Variants in SNX14 observed in about 807,000 individuals in gnomAD.
The protein encoded by SNX14 is sorting nexin-14.
Under a neutral mutation model 133.8 loss-of-function variants are expected in SNX14, and 93 were observed. That is an observed-to-expected ratio of 0.70 (90% confidence interval 0.59 to 0.83). SNX14 has a LOEUF of 0.83. Among genes scored for constraint, SNX14 ranks in the 40% least tolerant of loss-of-function variants. The pLI, the probability that SNX14 is intolerant of heterozygous loss-of-function variation, is 0.00. For missense variants in SNX14, 945 were observed against 1,094.9 expected, an observed-to-expected ratio of 0.86 and a Z score of 1.93; for synonymous variants, 368 against 365.6, an observed-to-expected ratio of 1.01 and a Z score of -0.07.
Position 85,588,840 on chromosome 6 carries a change from T to C in SNX14, c.140+4739A>G, listed in dbSNP as rs780334545. On this transcript the variant is annotated intron_variant, in intron 1 of 28. Transcript: ENST00000314673. ...AAACAACATGCTATTAAGAATATCATAAGGAAGAGAAAATATATTTACTAT... is the reference window on the plus strand; with the variant it reads ...AAACAACATGCTATTAAGAATATCACAAGGAAGAGAAAATATATTTACTAT... 156 of 453,966 alleles carry C rather than the reference T, an allele frequency of 3.4e-4. 1 individual carries two copies. Among genetic ancestry groups the C allele is most frequent in the Admixed American group, 1.2e-4 (5 of 42,530 alleles). The allele number at this position is 453,966 out of a possible 1,614,324, so 28.1% of individuals were successfully genotyped here.
chr6:85,506,708 A>G (rs1770844051), intron 28 of SNX14, among the ~76,000 whole-genome samples: 2 of 152,236 alleles, frequency 1.3e-5, no homozygotes, highest in Admixed American at 6.5e-5. Flanking sequence ...GCACTGAACA[A>G]CAGTTGTTTC....
At chr6:85,558,733 C>T (rs906127523) in intron 6 of SNX14, among the ~76,000 whole-genome samples, 2 of 152,022 alleles carry the variant, frequency 1.3e-5, no homozygotes, top group African/African-American at 4.8e-5. Flanking sequence ...CAACAGCCTC[C>T]CAAAGTGCTG....
intron 1 of SNX14, among the ~76,000 whole-genome samples, chr6:85,577,426 A>G (rs951443421): frequency 1.3e-5 from 2 of 152,072 alleles, no homozygotes; most frequent in Admixed American, 1.3e-4. Flanking sequence ...AAATAAATAA[A>G]TACATAAAAG....
intron 7 of SNX14, among the ~76,000 whole-genome samples, chr6:85,553,281 CATA>C (rs1389961102): frequency 2.0e-5 from 3 of 152,166 alleles, no homozygotes; most frequent in African/African-American, 7.2e-5. Context: ...TAGCAAAGAA[CATA>C]GTTTTTATAA....
chr6:85,563,058 T>C (rs1016850752), intron 6 of SNX14, among the ~76,000 whole-genome samples: 17 of 152,324 alleles, frequency 1.1e-4, no homozygotes, highest in Non-Finnish European at 2.1e-4. Flanking sequence ...ATTAAAAACA[T>C]ATTTATTTGC....
In SNX14 at chr6:85,549,595, A is replaced by T. The variant is rs183044190; in HGVS notation, c.791+128T>A. ...AAATTATATATTAATAACTTAATAAATTTTTTCAAATGAAAAGCTATTCAT... is the reference window on the plus strand; with the variant it reads ...AAATTATATATTAATAACTTAATAATTTTTTTCAAATGAAAAGCTATTCAT... On this transcript the variant is annotated intron_variant, in intron 8 of 28. Coordinates refer to ENST00000314673, the MANE Select transcript of SNX14 (RefSeq NM_153816.6). The T allele has an allele frequency of 5.7e-3, 3,228 of 561,934 alleles. 94 individuals carry two copies. The highest frequency in any genetic ancestry group is 0.057 in the African/African-American group (2,900 of 50,804). The allele number at this position is 561,934 out of a possible 1,614,324, so 34.8% of individuals were successfully genotyped here. A position where few individuals can be genotyped will look rare whatever the true frequency, so the allele number is the denominator to read the frequency against.
chr6:85,548,855 T>C (rs1298303629), intron 8 of SNX14, among the ~76,000 whole-genome samples: 11 of 151,366 alleles, frequency 7.3e-5, no homozygotes, highest in Admixed American at 7.2e-4. Context: ...TAATCCCAGC[T>C]AATAGGGAGG....
intron 18 of SNX14, 96 bp downstream of exon 18, chr6:85,533,503 T>C (rs1582695297): frequency 1.8e-6 from 2 of 1,129,490 alleles, no homozygotes; most frequent in South Asian, 1.5e-5. Flanking sequence ...TGCAGCCATA[T>C]TTGTTAGTTA....
rs961431229 is a variant in SNX14, at chr6:85,505,771, T to C, written c.*196A>G. ...GTTCTAATAAAATTTGGATCACAGC[T>C]AGCAAATGAAAGACTATGAGACTCA... On this transcript the variant is annotated 3_prime_UTR_variant, in exon 29 of 29. Transcript: ENST00000314673. The C allele has an allele frequency of 1.8e-6, 1 of 558,542 alleles. No individual in the cohort carries two copies. The highest frequency in any genetic ancestry group is 3.5e-5 in the Admixed American group (1 of 28,470). The allele number at this position is 558,542 out of a possible 1,614,324, so 34.6% of individuals were successfully genotyped here. A position where few individuals can be genotyped will look rare whatever the true frequency, so the allele number is the denominator to read the frequency against.
At chr6:85,566,493 T>G (rs1250913970) in intron 5 of SNX14, among the ~76,000 whole-genome samples, 1 of 150,490 alleles carries the variant, frequency 6.6e-6, no homozygotes, top group African/African-American at 2.4e-5. Flanking sequence ...AAGTCGGGAG[T>G]TTGAGACCAG....
chr6:85,535,871 T>C (rs1280474700), intron 17 of SNX14, among the ~76,000 whole-genome samples: 1 of 152,122 alleles, frequency 6.6e-6, no homozygotes, highest in Non-Finnish European at 1.5e-5. Context: ...ACCCCTTTTA[T>C]ACCCACGTTA....
chr6:85,514,046 A>G, intron 25 of SNX14, 24 bp downstream of exon 25: 1 of 1,590,566 alleles, frequency 6.3e-7, no homozygotes, highest in Non-Finnish European at 8.5e-7. Flanking sequence ...AAAATATGAA[A>G]CAAACACATT....
intron 26 of SNX14, among the ~76,000 whole-genome samples, chr6:85,513,495 G>A (rs947811694): frequency 4.6e-5 from 7 of 152,170 alleles, no homozygotes; most frequent in Non-Finnish European, 8.8e-5. Flanking sequence ...TATTCTTATG[G>A]TGTCGTGGAC....
intron 18 of SNX14, among the ~76,000 whole-genome samples, chr6:85,532,589 C>T (rs1780628830): frequency 6.6e-6 from 1 of 152,184 alleles, no homozygotes; most frequent in Admixed American, 6.5e-5. Flanking sequence ...CTTCTTTCCT[C>T]ATAACTCCCT....
At chr6:85,576,201 T>C (rs956093990) in intron 1 of SNX14, among the ~76,000 whole-genome samples, 6 of 152,186 alleles carry the variant, frequency 3.9e-5, no homozygotes, top group African/African-American at 1.4e-4. Flanking sequence ...ACTGCCCGTA[T>C]TATCTTACAA....
At chr6:85,509,084 G>A (rs781700547) in intron 26 of SNX14, among the ~76,000 whole-genome samples, 3 of 152,146 alleles carry the variant, frequency 2.0e-5, no homozygotes, top group Non-Finnish European at 2.9e-5. Context: ...ACAAATATAC[G>A]TAATTCTTTC....
At chr6:85,509,138 TAA>T (rs1771847734) in intron 26 of SNX14, among the ~76,000 whole-genome samples, 1 of 152,170 alleles carries the variant, frequency 6.6e-6, no homozygotes, top group South Asian at 2.1e-4. Context: ...GAGCAGAGGA[TAA>T]CACAAAGGAA....
At chr6:85,582,469 C>A (rs1159042787) in intron 1 of SNX14, among the ~76,000 whole-genome samples, 1 of 149,378 alleles carries the variant, frequency 6.7e-6, no homozygotes, top group African/African-American at 2.4e-5. Context: ...AAAAAACCTT[C>A]AAAAAAGCAA....
chr6:85,538,013 A>C (rs1782483248), intron 16 of SNX14, among the ~76,000 whole-genome samples: 1 of 152,240 alleles, frequency 6.6e-6, no homozygotes, highest in South Asian at 2.1e-4. Flanking sequence ...AACTACTTTA[A>C]AACCTGAGAA....
Sources: allele counts gnomAD v4.1 joint callset (sites outside exome capture counted in the v4.1 genomes callset), GRCh38; gene constraint gnomAD v4.1.1; transcripts MANE v1.5; gene names NCBI Gene and HGNC (gene_info 2026-07-23, HGNC 2026-07-21).